The following SRSF11 variants were observed in gnomAD, a reference collection of about 807,000 sequenced individuals.
SRSF11 encodes serine and arginine rich splicing factor 11.
Under a neutral mutation model 56.0 loss-of-function variants are expected in SRSF11, and 9 were observed. That is an observed-to-expected ratio of 0.16 (90% CI 0.10 to 0.28). The LOEUF (loss-of-function observed/expected upper bound fraction) is 0.28. Among genes scored for constraint, SRSF11 ranks in the 10% least tolerant of loss-of-function variants. The pLI is 1.00. For missense variants in SRSF11, 421 were observed against 600.7 expected (o/e 0.70, Z 3.13); for synonymous variants, 222 against 215.3 (o/e 1.03, Z -0.27).
At chr1:70,241,577 C>T (rs920696876) in intron 7 of SRSF11, among the ~76,000 whole-genome samples, 2 of 152,220 alleles carry the variant, frequency 1.3e-5, no homozygotes, top group South Asian at 2.1e-4. Context: ...TTTACTATTC[C>T]GTCTGGTTTA....
intron 7 of SRSF11, among the ~76,000 whole-genome samples, chr1:70,241,719 G>A (rs775205447): frequency 6.6e-6 from 1 of 152,008 alleles, no homozygotes; most frequent in Admixed American, 6.5e-5. Context: ...TTCCATTTCC[G>A]CTTTGAGGAA....
chr1:70,219,510 T>C (rs908831579), upstream of SRSF11, among the ~76,000 whole-genome samples: 8 of 152,210 alleles, frequency 5.3e-5, no homozygotes, highest in Non-Finnish European at 7.3e-5. Flanking sequence ...TTTCCAAATA[T>C]TTTCAGTCCC....
chr1:70,233,425 G>C (rs1338091579), intron 3 of SRSF11, among the ~76,000 whole-genome samples: 1 of 151,886 alleles, frequency 6.6e-6, no homozygotes, highest in Admixed American at 6.6e-5. Flanking sequence ...TTTTTAGTAG[G>C]GATGGGGTTT....
chr1:70,229,363 C>A, intron 2 of SRSF11: 1 of 1,182,340 alleles, frequency 8.5e-7, no homozygotes, highest in South Asian at 1.6e-5. Context: ...CATTTTCTCT[C>A]TTTTTACATT....
At chr1:70,233,890 G>C (rs1673381098) in intron 3 of SRSF11, among the ~76,000 whole-genome samples, 1 of 152,182 alleles carries the variant, frequency 6.6e-6, no homozygotes, top group African/African-American at 2.4e-5. Flanking sequence ...ACTAGTTATA[G>C]GAGATTACTA....
chr1:70,217,594 G>C (rs1670130889), upstream of SRSF11, among the ~76,000 whole-genome samples: 1 of 152,102 alleles, frequency 6.6e-6, no homozygotes, highest in African/African-American at 2.4e-5. Context: ...AATATTTGAA[G>C]AAATTTGTGA....
chr1:70,234,022 T>G (rs1673410258), intron 3 of SRSF11, among the ~76,000 whole-genome samples: 1 of 152,132 alleles, frequency 6.6e-6, no homozygotes, highest in African/African-American at 2.4e-5. Context: ...TGCTGAAACT[T>G]AGATTTGTTT....
chr1:70,239,780 T>C (rs1571858091), intron 7 of SRSF11, among the ~76,000 whole-genome samples: 1 of 152,120 alleles, frequency 6.6e-6, no homozygotes, highest in African/African-American at 2.4e-5. Context: ...TGAAAAATAA[T>C]TGATTCATTG....
At position 70,246,884 on chromosome 1, in the gene SRSF11, C is replaced by T. The variant is rs200673940; in HGVS notation, c.999C>T (p.Ala333=). The T allele has an allele frequency of 1.7e-5, 28 of 1,608,588 alleles. No homozygotes were observed. In the East Asian group the frequency reaches 6.0e-4, roughly 35 times the overall value. The change falls in exon 9 of 12, where the codon GCC becomes GCT. Residue 333 remains alanine (A), a synonymous_variant. Coordinates refer to ENST00000370949, the MANE Select transcript of SRSF11 (RefSeq NM_001350605.2). Reference sequence around the variant, plus strand: ...CACCACCAAAAAGTTACAGCACAGCCAGACGTTCTAGAAGTGCAAGCAGGT... The same window carrying T: ...CACCACCAAAAAGTTACAGCACAGCTAGACGTTCTAGAAGTGCAAGCAGGT... ...SKTPPKSYST[A]RRSRSASRER... is the part of the protein sequence containing the mutation.
At chr1:70,237,654 T>C in intron 6 of SRSF11, 102 bp downstream of exon 6, 2 of 1,477,914 alleles carry the variant, frequency 1.4e-6, no homozygotes, top group Admixed American at 4.1e-5. Context: ...TTTAAAATGT[T>C]GTAAACTCTG....
chr1:70,224,605 CAG>C (rs1359401284), intron 1 of SRSF11, among the ~76,000 whole-genome samples: 6 of 152,248 alleles, frequency 3.9e-5, no homozygotes, highest in African/African-American at 1.2e-4. Flanking sequence ...GGGATTATGA[CAG>C]ACATTTCAAT....
chr1:70,217,126 T>C (rs936024404), upstream of SRSF11, among the ~76,000 whole-genome samples: 21 of 152,076 alleles, frequency 1.4e-4, no homozygotes, highest in African/African-American at 5.1e-4. Context: ...TTCATCTTTG[T>C]GGGGTTTTTT....
At chr1:70,230,605 A>G in intron 2 of SRSF11, 1 of 1,286,066 alleles carries the variant, frequency 7.8e-7, no homozygotes, top group Non-Finnish European at 1.0e-6. Context: ...CTCTTGACGC[A>G]TGAAAATTAA....
chr1:70,224,291 G>A (rs1169016022), intron 1 of SRSF11, among the ~76,000 whole-genome samples: 1 of 152,098 alleles, frequency 6.6e-6, no homozygotes, highest in African/African-American at 2.4e-5. Context: ...ACATGCACCT[G>A]TAACTCTTTT....
At chr1:70,207,590 A>G (rs1452065358) in intron 1 of SRSF11, among the ~76,000 whole-genome samples, 1 of 152,154 alleles carries the variant, frequency 6.6e-6, no homozygotes, top group African/African-American at 2.4e-5. Context: ...TCTTTATTAA[A>G]GAACCACCTT....
At chr1:70,232,543 T>TA (rs1321914277) in intron 3 of SRSF11, among the ~76,000 whole-genome samples, 166 bp downstream of exon 3, 1 of 152,232 alleles carries the variant, frequency 6.6e-6, no homozygotes, top group Non-Finnish European at 1.5e-5. Flanking sequence ...TAGACTTTTG[T>TA]ATTTTAAGAA....
intron 1 of SRSF11, among the ~76,000 whole-genome samples, chr1:70,208,929 T>C (rs1023731971): frequency 2.6e-5 from 4 of 152,224 alleles, no homozygotes; most frequent in African/African-American, 9.6e-5. Context: ...TTATATACAT[T>C]ACTAAAATAA....
intron 8 of SRSF11, among the ~76,000 whole-genome samples, chr1:70,246,080 T>TAG (rs1307369750): frequency 6.6e-6 from 1 of 152,142 alleles, no homozygotes; most frequent in Non-Finnish European, 1.5e-5. Flanking sequence ...AAGATTAGCT[T>TAG]AGAACAGTAA....
At chr1:70,220,215 C>T (rs571406502), upstream of SRSF11, among the ~76,000 whole-genome samples, 14 of 152,126 alleles carry the variant, frequency 9.2e-5, no homozygotes, top group Non-Finnish European at 1.3e-4. Context: ...TAACAGCTTG[C>T]AGAAGTCATA....
Sources: gnomAD v4.1 joint callset for allele counts (sites outside exome capture counted in the v4.1 genomes callset) on GRCh38, gnomAD v4.1.1 for gene constraint, MANE v1.5 for transcripts, NCBI Gene and HGNC (gene_info 2026-07-23, HGNC 2026-07-21) for gene names.